The following ADCY1 variants were observed in gnomAD, a reference collection of about 807,000 sequenced individuals.
ADCY1 encodes adenylate cyclase type 1.
A neutral mutation model predicts 105.4 loss-of-function variants in ADCY1; 28 were observed. The observed-to-expected ratio is 0.27, with a 90% CI of 0.20 to 0.36. The LOEUF (loss-of-function observed/expected upper bound fraction) is 0.36. ADCY1 is among the 10% of genes least tolerant of loss of function. The pLI, the probability that ADCY1 is intolerant of heterozygous loss-of-function variation, is 1.00. For missense variants in ADCY1, 977 were observed against 1,434.2 expected (o/e 0.68, Z 5.15); for synonymous variants, 655 against 623.8 (o/e 1.05, Z -0.75).
At chr7:45,618,886 CA>C (rs1230936434) in intron 3 of ADCY1, among the ~76,000 whole-genome samples, 1 of 152,068 alleles carries the variant, frequency 6.6e-6, no homozygotes, top group African/African-American at 2.4e-5. Flanking sequence ...GGAAATAAAC[CA>C]GTATGTCAAA....
At position 45,703,876 on chromosome 7, in the gene ADCY1, A is replaced by G; in HGVS notation, c.2718+130A>G. 1 of 1,333,272 alleles carries G rather than the reference A, an allele frequency of 7.5e-7. No individual in the cohort carries two copies. Among genetic ancestry groups the G allele is most frequent in the East Asian group, 2.4e-5 (1 of 42,100 alleles). The allele number at this position is 1,333,272 out of a possible 1,614,324, so 82.6% of individuals were successfully genotyped here. A position where few individuals can be genotyped will look rare whatever the true frequency, so the allele number is the denominator to read the frequency against. On this transcript the variant is annotated intron_variant, in intron 16 of 19. Coordinates refer to ENST00000297323, the MANE Select transcript of ADCY1 (RefSeq NM_021116.4). The surrounding 1 kb of genome is among the most constrained non-coding windows in gnomAD (Gnocchi z 5.9). ...TGAGAGAAAGCAAATCCCGGGAAGC[A>G]CAGGCATTCTGTCTCCTTTGGGATC...
At chr7:45,613,173 A>G (rs891324525) in intron 3 of ADCY1, among the ~76,000 whole-genome samples, 27 of 152,356 alleles carry the variant, frequency 1.8e-4, no homozygotes, top group African/African-American at 6.3e-4. Context: ...TAACTCCCAT[A>G]AAGATGCTCA....
intron 5 of ADCY1, among the ~76,000 whole-genome samples, chr7:45,652,154 G>A (rs1429618395): frequency 5.9e-5 from 9 of 152,072 alleles, no homozygotes; most frequent in South Asian, 4.1e-4. Context: ...ACCAGATCTC[G>A]TGAGAATTCA....
At chr7:45,700,306 T>C (rs984745952) in intron 14 of ADCY1, among the ~76,000 whole-genome samples, 4 of 152,218 alleles carry the variant, frequency 2.6e-5, no homozygotes, top group African/African-American at 9.6e-5. Context: ...TGCTCTGATC[T>C]TTCTTCGTCC....
Position 45,648,809 on chromosome 7 carries a change from G to C in ADCY1, c.1148+12G>C. On this transcript the variant is annotated intron_variant, in intron 5 of 19. Transcript: ENST00000297323. ...ATTGATACCATCACGTAAGTACCCC[G>C]TGGGGCTGAGAGGAGTGGCCTGGGG... 4 of 1,612,618 alleles carry C rather than the reference G, an allele frequency of 2.5e-6. No individual in the cohort carries two copies. The highest frequency in any genetic ancestry group is 3.4e-6 in the Non-Finnish European group (4 of 1,179,094).
chr7:45,676,806 T>C (rs926187874), intron 8 of ADCY1, among the ~76,000 whole-genome samples: 1 of 151,944 alleles, frequency 6.6e-6, no homozygotes, highest in Non-Finnish European at 1.5e-5. Flanking sequence ...CCACATGGTC[T>C]TTGCTGGCCT....
intron 2 of ADCY1, among the ~76,000 whole-genome samples, chr7:45,606,465 G>A (rs1035374046): frequency 2.0e-5 from 3 of 152,226 alleles, no homozygotes; most frequent in East Asian, 3.9e-4. Context: ...CCTTTGGTCT[G>A]TGCCTATTGG....
chr7:45,595,722 T>C (rs1248507995), intron 2 of ADCY1, among the ~76,000 whole-genome samples: 1 of 152,262 alleles, frequency 6.6e-6, no homozygotes, highest in Non-Finnish European at 1.5e-5. Context: ...TTTTCTTTCA[T>C]GATTTCCTCT....
chr7:45,613,346 C>G (rs1470008674), intron 3 of ADCY1, among the ~76,000 whole-genome samples: 1 of 152,008 alleles, frequency 6.6e-6, no homozygotes, highest in Non-Finnish European at 1.5e-5. Context: ...AATAAAAGAT[C>G]AGTGAACTGG....
Position 45,592,812 on chromosome 7 carries a change from G to T in ADCY1, c.693G>T (p.Val231=). 1.2e-6 allele frequency: 2 copies of T among 1,614,218 alleles called. No homozygotes were observed. Among genetic ancestry groups the T allele is most frequent in the East Asian group, 4.5e-5 (2 of 44,884 alleles). ...FVGVNMYGVF[V]RILTERSQRK... is the part of the protein sequence containing the mutation. The stretch of plus-strand genomic sequence containing the variant: ...GTGTGAACATGTATGGGGTCTTTGT[G>T]CGGATTCTGACTGAGCGTTCACAGA... Residue 231 remains valine (V), a synonymous_variant, in exon 2 of 20, where the codon GTG becomes GTT. Transcript: ENST00000297323.
intron 2 of ADCY1, among the ~76,000 whole-genome samples, chr7:45,595,553 C>T (rs962871571): frequency 3.9e-5 from 6 of 152,330 alleles, no homozygotes; most frequent in Non-Finnish European, 4.4e-5. Flanking sequence ...TTCAACCCTC[C>T]GTCCCGTTAC....
At chr7:45,651,630 G>T (rs547551063) in intron 5 of ADCY1, among the ~76,000 whole-genome samples, 1 of 152,312 alleles carries the variant, frequency 6.6e-6, no homozygotes, top group African/African-American at 2.4e-5. Context: ...CAGTAGCGAG[G>T]TCTGCACTCT....
At chr7:45,603,244 A>G (rs1793287251) in intron 2 of ADCY1, among the ~76,000 whole-genome samples, 1 of 152,266 alleles carries the variant, frequency 6.6e-6, no homozygotes, top group African/African-American at 2.4e-5. Context: ...CACTCTGGCT[A>G]TAATAAGTAA....
chr7:45,592,156 T>C (rs1020575351), intron 1 of ADCY1, among the ~76,000 whole-genome samples: 4 of 152,040 alleles, frequency 2.6e-5, no homozygotes, highest in Non-Finnish European at 5.9e-5. Flanking sequence ...TCCAGGGGTC[T>C]TGGTTTTCTG....
intron 8 of ADCY1, among the ~76,000 whole-genome samples, chr7:45,665,847 T>C (rs1047301196): frequency 6.6e-6 from 1 of 152,220 alleles, no homozygotes; most frequent in Admixed American, 6.5e-5. Context: ...TTTCTAGAGG[T>C]TGATCTCATG....
intron 2 of ADCY1, among the ~76,000 whole-genome samples, chr7:45,609,245 A>G (rs1793463261): frequency 6.6e-6 from 1 of 152,196 alleles, no homozygotes; most frequent in Non-Finnish European, 1.5e-5. Context: ...CGAGAAAGTC[A>G]CACAGGATGG....
intron 3 of ADCY1, among the ~76,000 whole-genome samples, chr7:45,613,602 A>G (rs767220357): frequency 2.0e-5 from 3 of 152,196 alleles, no homozygotes; most frequent in Non-Finnish European, 4.4e-5. Flanking sequence ...TTAAATATGA[A>G]TATGTATACA....
intron 8 of ADCY1, 43 bp downstream of exon 8, chr7:45,662,257 A>G (rs757958628): frequency 5.7e-6 from 9 of 1,588,606 alleles, no homozygotes; most frequent in Non-Finnish European, 7.7e-6. Context: ...GCTGCCAGGG[A>G]CTGATCTCTG....
intron 4 of ADCY1, among the ~76,000 whole-genome samples, chr7:45,638,427 C>A (rs138281733): frequency 7.9e-4 from 120 of 150,956 alleles, no homozygotes; most frequent in African/African-American, 2.8e-3. Context: ...ATCTTTTTTC[C>A]CTTTGTTGAG....
Sources: allele counts gnomAD v4.1 joint callset (sites outside exome capture counted in the v4.1 genomes callset), GRCh38; gene constraint gnomAD v4.1.1; non-coding constraint Gnocchi (gnomAD v3.1); transcripts MANE v1.5; gene names NCBI Gene and HGNC (gene_info 2026-07-23, HGNC 2026-07-21).